COL4A2: variants seen among roughly 807,000 people sequenced by gnomAD.
COL4A2 encodes the protein collagen type IV alpha 2 chain.
A neutral mutation model predicts 200.2 loss-of-function variants in COL4A2; 99 were observed. That is an observed-to-expected ratio of 0.49 (90% confidence interval 0.42 to 0.58). The LOEUF is 0.58. Ranked by LOEUF, COL4A2 falls within the 20% of genes least tolerant of loss-of-function variation. The probability of loss-of-function intolerance (pLI) is 0.00; values close to 1 mark genes in which losing one functional copy is unlikely to be tolerated. For synonymous variants in COL4A2, 897 were observed against 900.6 expected (o/e 1.00, Z 0.07); for missense variants, 1,950 against 2,314.1 (o/e 0.84, Z 3.23).
At chr13:110,476,459 T>C (rs9521798) in intron 29 of COL4A2, among the ~76,000 whole-genome samples, 63,747 of 152,142 alleles carry the variant, frequency 0.42, 13,478 homozygotes, top group Middle Eastern at 0.52. Context: ...TCAGCCCTCT[T>C]CCTCGCTGCA....
At chr13:110,445,512 A>G (rs1881288767) in intron 16 of COL4A2, among the ~76,000 whole-genome samples, 1 of 152,214 alleles carries the variant, frequency 6.6e-6, no homozygotes, top group Non-Finnish European at 1.5e-5. Context: ...TGCAGCACAG[A>G]TGACCCAGTG....
rs150180851 is a variant in COL4A2, at chr13:110,392,309, T to G, written c.181-32425T>G. On this transcript the variant is annotated intron_variant, in intron 4 of 47. Coordinates refer to ENST00000360467, the MANE Select transcript of COL4A2 (RefSeq NM_001846.4). ...ACGTTCCAAAGCAATTTAAGTAAACTCAAAGAATGATGCTATAGTTGAAAC... is the reference window on the plus strand; with the variant it reads ...ACGTTCCAAAGCAATTTAAGTAAACGCAAAGAATGATGCTATAGTTGAAAC... Among the ~76,000 whole-genome samples, 447 of 152,248 alleles carry G rather than the reference T, an allele frequency of 2.9e-3. 1 individual carries two copies. The highest frequency in any genetic ancestry group is 1.0e-2 in the African/African-American group (415 of 41,542).
chr13:110,346,616 T>C (rs4771665), intron 3 of COL4A2, among the ~76,000 whole-genome samples: 119,796 of 151,964 alleles, frequency 0.79, 47,871 homozygotes, highest in East Asian at 0.96. Context: ...GCTCCAGTGC[T>C]CTGCTGTATG....
At chr13:110,342,456 T>C (rs548349329) in intron 3 of COL4A2, among the ~76,000 whole-genome samples, 35 of 152,284 alleles carry the variant, frequency 2.3e-4, no homozygotes, top group African/African-American at 8.2e-4. Flanking sequence ...TATCGTGAGA[T>C]GGAAATACAC....
At chr13:110,368,146 G>C (rs559302756) in intron 4 of COL4A2, among the ~76,000 whole-genome samples, 190 of 152,320 alleles carry the variant, frequency 1.2e-3, no homozygotes, top group Non-Finnish European at 2.2e-3. Flanking sequence ...TATTCAGGAA[G>C]GACAGAAGAA....
chr13:110,486,958 CAG>C (rs778391829), intron 34 of COL4A2, among the ~76,000 whole-genome samples: 4 of 152,224 alleles, frequency 2.6e-5, no homozygotes, highest in Non-Finnish European at 5.9e-5. Flanking sequence ...GTGCAGGTCA[CAG>C]GGGATATGAT....
chr13:110,378,493 G>A (rs7320348), intron 4 of COL4A2, among the ~76,000 whole-genome samples: 42 of 152,230 alleles, frequency 2.8e-4, no homozygotes, highest in African/African-American at 9.9e-4. Flanking sequence ...CGGGTCCCTC[G>A]CCTCAGGAGA....
chr13:110,466,842 A>T (rs1420977651), intron 26 of COL4A2, among the ~76,000 whole-genome samples, 198 bp from the exon 27 acceptor site: 1 of 152,136 alleles, frequency 6.6e-6, no homozygotes, highest in African/African-American at 2.4e-5. Context: ...TTTTATACGA[A>T]TATTTTGATT....
intron 31 of COL4A2, among the ~76,000 whole-genome samples, chr13:110,480,961 C>A (rs187465633): frequency 6.9e-6 from 1 of 145,708 alleles, no homozygotes; most frequent in Non-Finnish European, 1.5e-5. Context: ...TCTGTCCCTC[C>A]GTTGCTGGAG....
chr13:110,367,827 A>C lies in COL4A2; in HGVS notation c.180+10275A>C, dbSNP rs117897775. Among the ~76,000 whole-genome samples the C allele has an allele frequency of 9.3e-3, 1,415 of 152,314 alleles. 10 individuals are homozygous for C. The highest frequency in any genetic ancestry group is 0.01 in the African/African-American group (427 of 41,572). On this transcript the variant is annotated intron_variant, in intron 4 of 47. Coordinates refer to ENST00000360467, the MANE Select transcript of COL4A2 (RefSeq NM_001846.4). ...CCTGCTTAGAGAAGTGGCAGATCTT[A>C]TACCCTCAGGCAGCTGGGATATGCC... is the stretch of plus-strand genomic sequence containing the variant.
chr13:110,416,680 A>G (rs1880052150), intron 4 of COL4A2, among the ~76,000 whole-genome samples: 1 of 152,214 alleles, frequency 6.6e-6, no homozygotes, highest in African/African-American at 2.4e-5. Context: ...TAAAATGTAC[A>G]TCTACCCCAG....
chr13:110,311,407 A>G (rs980376831), intron 3 of COL4A2, among the ~76,000 whole-genome samples: 48 of 152,240 alleles, frequency 3.2e-4, no homozygotes, highest in Admixed American at 7.2e-4. Context: ...CCCATCCCAG[A>G]CTTGAGGCAG....
At chr13:110,317,460 A>G (rs1277196572) in intron 3 of COL4A2, among the ~76,000 whole-genome samples, 1 of 152,208 alleles carries the variant, frequency 6.6e-6, no homozygotes, top group Non-Finnish European at 1.5e-5. Flanking sequence ...CCAAGGCAGA[A>G]AAAGACTATA....
chr13:110,491,567 G>T (rs1883284351), intron 37 of COL4A2, among the ~76,000 whole-genome samples: 1 of 152,200 alleles, frequency 6.6e-6, no homozygotes, highest in African/African-American at 2.4e-5. Context: ...GGGTGAATGA[G>T]AAGTGCCTCT....
intron 3 of COL4A2, among the ~76,000 whole-genome samples, chr13:110,338,424 ATGT>A (rs1303269701): frequency 3.1e-4 from 29 of 92,610 alleles, no homozygotes; most frequent in African/African-American, 1.0e-3. Context: ...GACACAGAAA[ATGT>A]TGTGTGTGGG....
chr13:110,447,548 C>G (rs754298800), intron 18 of COL4A2, among the ~76,000 whole-genome samples: 1 of 152,020 alleles, frequency 6.6e-6, no homozygotes, highest in East Asian at 1.9e-4. Flanking sequence ...TTGTAGAATG[C>G]GCATCCTTCT....
intron 4 of COL4A2, among the ~76,000 whole-genome samples, chr13:110,413,663 G>C (rs10161705): frequency 0.22 from 33,000 of 152,154 alleles, 3,822 homozygotes; most frequent in East Asian, 0.34. Flanking sequence ...ACAAAAAAAC[G>C]CAAAGGCTAT....
rs756953202 is a variant in COL4A2 at position 110,457,425 on chromosome 13, G to A, written c.1422G>A (p.Lys474=). Residue 474 remains lysine, a synonymous_variant, in exon 21 of 48, where the codon AAG becomes AAA. Transcript: ENST00000360467. ...GCTCCCCTGGAGCCCGCGGACCAAA[G>A]GGGTGGAAAGGTAAGAACATCTGGG... ...LPGSPGARGP[K]GWKGDAGECR... is the part of the protein sequence containing the mutation. The A allele has an allele frequency of 4.4e-6, 7 of 1,598,574 alleles. No homozygotes were observed. Among genetic ancestry groups the A allele is most frequent in the Non-Finnish European group, 6.0e-6 (7 of 1,166,154 alleles).
chr13:110,480,257 C>T lies in COL4A2; in HGVS notation c.2625C>T (p.Gly875=), dbSNP rs1322537958. The part of the protein sequence containing the change: ...PGDRGDPGDT[G]APGPVGMKGL... ...ATAGAGGGGACCCTGGGGACACAGG[C>T]GCTCCTGGCCCTGTGGGCATGAAAG... is the stretch of plus-strand genomic sequence containing the variant. The change falls in exon 31 of 48, where the codon GGC becomes GGT. Residue 875 remains glycine, a synonymous_variant. Coordinates refer to ENST00000360467, the MANE Select transcript of COL4A2 (RefSeq NM_001846.4). 1.2e-5 allele frequency: 19 copies of T among 1,612,120 alleles called. No homozygotes were observed. The highest frequency in any genetic ancestry group is 5.3e-5 in the African/African-American group (4 of 74,870).
Sources: gnomAD v4.1 joint callset for allele counts (sites outside exome capture counted in the v4.1 genomes callset) on GRCh38, gnomAD v4.1.1 for gene constraint, MANE v1.5 for transcripts, NCBI Gene and HGNC (gene_info 2026-07-23, HGNC 2026-07-21) for gene names.